Variants in WWOX observed in about 807,000 individuals in gnomAD.
WWOX encodes WW domain containing oxidoreductase.
Under a neutral mutation model 46.2 loss-of-function variants are expected in WWOX, and 69 were observed. The ratio of observed to expected loss-of-function variants is 1.49; its 90% CI spans 1.23 to 1.82. WWOX has a LOEUF of 1.82. WWOX is among the 40% of genes most tolerant of loss of function. WWOX has a pLI of 0.00. For missense variants in WWOX, 919 were observed against 542.6 expected (o/e 1.69, Z -6.89); for synonymous variants, 359 against 202.6 (o/e 1.77, Z -6.56).
At chr16:78,899,822 G>T (rs187616598) in intron 8 of WWOX, among the ~76,000 whole-genome samples, 2 of 152,226 alleles carry the variant, frequency 1.3e-5, no homozygotes, top group African/African-American at 4.8e-5. Flanking sequence ...GAAAACTAGC[G>T]CGTGGTCTGT....
intron 8 of WWOX, among the ~76,000 whole-genome samples, chr16:78,839,527 C>G (rs891231672): frequency 1.3e-5 from 2 of 152,136 alleles, no homozygotes; most frequent in African/African-American, 4.8e-5. Flanking sequence ...TTTCCCCTTC[C>G]TCATGCTAAT....
chr16:78,346,697 A>G lies in WWOX; in HGVS notation c.517-40163A>G, dbSNP rs532604922. Among the ~76,000 whole-genome samples the G allele has an allele frequency of 1.1e-3, 127 of 118,508 alleles. 22 individuals are homozygous for G. The highest frequency in any genetic ancestry group is 3.6e-3 in the African/African-American group (125 of 34,996). 77.7% of individuals were successfully genotyped at this position (118,508 alleles called of 152,430 possible). A position where few individuals can be genotyped will look rare whatever the true frequency, so the allele number is the denominator to read the frequency against. On this transcript the variant is annotated intron_variant, in intron 5 of 8. Coordinates refer to ENST00000566780, the MANE Select transcript of WWOX (RefSeq NM_016373.4). ...AAAACTATGCTTATTGCTCATATCT[A>G]TGTTATTTTATTATTTACTTTTTTT...
chr16:78,611,746 T>A (rs941585424), intron 8 of WWOX, among the ~76,000 whole-genome samples: 2 of 152,216 alleles, frequency 1.3e-5, no homozygotes, highest in African/African-American at 4.8e-5. Flanking sequence ...TCGCTGATGG[T>A]TGGCTGCTGC....
intron 8 of WWOX, among the ~76,000 whole-genome samples, chr16:78,635,806 G>A (rs2738580): frequency 6.6e-6 from 1 of 152,172 alleles, no homozygotes; most frequent in Non-Finnish European, 1.5e-5. Context: ...ACAGCTAGTG[G>A]AAGGCGTGCC....
intron 8 of WWOX, among the ~76,000 whole-genome samples, chr16:78,600,375 A>G (rs1344835137): frequency 1.3e-5 from 2 of 152,194 alleles, no homozygotes; most frequent in South Asian, 2.1e-4. Context: ...GATGACGGAA[A>G]CAGCCCCCCA....
At chr16:78,830,690 C>G (rs536950430) in intron 8 of WWOX, among the ~76,000 whole-genome samples, 1 of 151,798 alleles carries the variant, frequency 6.6e-6, no homozygotes, top group Non-Finnish European at 1.5e-5. Flanking sequence ...CAGGTACGGC[C>G]GTGCAGCTTT....
chr16:78,870,301 C>T (rs949222501), intron 8 of WWOX, among the ~76,000 whole-genome samples: 2 of 152,120 alleles, frequency 1.3e-5, no homozygotes, highest in Admixed American at 6.5e-5. Context: ...TATAGACACA[C>T]ATTACTTCTT....
At position 78,108,411 on chromosome 16, in the gene WWOX, G is replaced by GT. The variant is rs754221329; in HGVS notation, c.108-6dup. The GT allele has an allele frequency of 2.5e-6, 4 of 1,584,788 alleles. No homozygotes were observed. The highest frequency in any genetic ancestry group is 1.7e-6 in the Non-Finnish European group (2 of 1,160,846). On this transcript the variant is annotated splice_polypyrimidine_tract_variant and intron_variant, in intron 1 of 8. Transcript: ENST00000566780. ...TTTTACTTATTACTGTGGATTTTTT[G>GT]TTTTTTAACAGTCACACCGAGGAGA... is the stretch of plus-strand genomic sequence containing the variant.
At chr16:78,522,468 C>G (rs1018518143) in intron 8 of WWOX, among the ~76,000 whole-genome samples, 5 of 152,182 alleles carry the variant, frequency 3.3e-5, no homozygotes, top group African/African-American at 1.2e-4. Flanking sequence ...TGCCTGCAGT[C>G]TCTTCCTCTG....
At chr16:79,063,172 G>A (rs367596510) in intron 8 of WWOX, among the ~76,000 whole-genome samples, 14 of 152,190 alleles carry the variant, frequency 9.2e-5, no homozygotes, top group East Asian at 7.7e-4. Context: ...TAGAAGGAGT[G>A]GGATAGGAAA....
intron 8 of WWOX, among the ~76,000 whole-genome samples, chr16:78,800,848 T>C (rs1262091592): frequency 2.0e-5 from 3 of 152,290 alleles, no homozygotes; most frequent in Non-Finnish European, 2.9e-5. Context: ...ACTTGACAGA[T>C]TGTGGTCAGT....
chr16:78,945,684 C>T (rs2045935345), intron 8 of WWOX, among the ~76,000 whole-genome samples: 1 of 151,846 alleles, frequency 6.6e-6, no homozygotes, highest in East Asian at 1.9e-4. Flanking sequence ...TTTGACTTTC[C>T]TTGTATGCCC....
intron 8 of WWOX, among the ~76,000 whole-genome samples, chr16:79,145,260 G>T (rs185487090): frequency 6.6e-6 from 1 of 152,134 alleles, no homozygotes; most frequent in Non-Finnish European, 1.5e-5. Context: ...AAAAGCATTT[G>T]CTCAAATTCA....
At chr16:78,896,203 C>G (rs573536141) in intron 8 of WWOX, 1 of 150,990 alleles carries the variant, frequency 6.6e-6, no homozygotes, top group Non-Finnish European at 1.5e-5. Flanking sequence ...TAATTATATC[C>G]GGAATGCACT....
chr16:78,454,408 T>G (rs12051039), intron 8 of WWOX, among the ~76,000 whole-genome samples: 18,221 of 152,090 alleles, frequency 0.12, 1,705 homozygotes, highest in African/African-American at 0.25. Flanking sequence ...TGTATTTGTC[T>G]GAAATAAAAG....
chr16:78,622,127 C>G (rs1225990389), intron 8 of WWOX, among the ~76,000 whole-genome samples: 1 of 152,100 alleles, frequency 6.6e-6, no homozygotes, highest in South Asian at 2.1e-4. Context: ...TTAGTAAAAC[C>G]TTGAAAAGAT....
chr16:78,831,381 T>C lies in WWOX; in HGVS notation c.1057-380227T>C, dbSNP rs1325697663. Among the ~76,000 whole-genome samples the C allele has an allele frequency of 2.0e-5, 3 of 152,202 alleles. No individual in the cohort carries two copies. The East Asian group carries it at 5.8e-4, about 29-fold the overall frequency. On this transcript the variant is annotated intron_variant, in intron 8 of 8. Coordinates refer to ENST00000566780, the MANE Select transcript of WWOX (RefSeq NM_016373.4). ...GCTCCTATGGAAGTTTACATTTCAC[T>C]CAAAATATCTGTGTTCATGTAAATG...
At chr16:78,739,959 C>G (rs572201023) in intron 8 of WWOX, among the ~76,000 whole-genome samples, 1 of 152,200 alleles carries the variant, frequency 6.6e-6, no homozygotes, top group South Asian at 2.1e-4. Context: ...AGTCAACTTA[C>G]TCTCTCTAAA....
chr16:78,421,298 C>A (rs188609321), intron 6 of WWOX, among the ~76,000 whole-genome samples: 1 of 152,244 alleles, frequency 6.6e-6, no homozygotes, highest in East Asian at 1.9e-4. Flanking sequence ...TGTTCCATGC[C>A]TTTCTCCTAG....
Sources: allele counts gnomAD v4.1 joint callset (sites outside exome capture counted in the v4.1 genomes callset), GRCh38; gene constraint gnomAD v4.1.1; transcripts MANE v1.5; gene names NCBI Gene and HGNC (gene_info 2026-07-23, HGNC 2026-07-21).